The following CUX1 variants were observed in gnomAD, a reference collection of about 807,000 sequenced individuals.
CUX1 encodes the protein cut like homeobox 1, also known as protein CASP.
In CUX1, 31 loss-of-function variants were observed where a neutral mutation model predicts 158.8. The observed-to-expected ratio is 0.20, with a 90% CI of 0.15 to 0.26. The LOEUF is 0.26. Among genes scored for constraint, CUX1 ranks in the 10% least tolerant of loss-of-function variants. The pLI is 1.00. For missense variants in CUX1, 1,589 were observed against 2,014.6 expected (o/e 0.79, Z 4.04); for synonymous variants, 879 against 862.1 (o/e 1.02, Z -0.34).
intron 20 of CUX1, among the ~76,000 whole-genome samples, chr7:102,218,271 C>A (rs1554525602): frequency 1.3e-5 from 2 of 152,236 alleles, no homozygotes; most frequent in Non-Finnish European, 2.9e-5. Context: ...ACACCTGGCA[C>A]ATGGAGGGTT....
chr7:101,988,137 G>C (rs571912625), intron 2 of CUX1, among the ~76,000 whole-genome samples: 1 of 152,080 alleles, frequency 6.6e-6, no homozygotes, highest in Admixed American at 6.5e-5. Context: ...ACTTGAACCC[G>C]GGAGGCAGAG....
rs192303218 is a variant in CUX1, at chr7:102,095,048, G to A, written c.269-2316G>A. ...AGGATTTCGCTCTGTTGCCCCGGCT[G>A]GAGTGCAGTGGCTCAATCACAGCTC... On this transcript the variant is annotated intron_variant, in intron 4 of 23. Transcript: ENST00000292535. Among the ~76,000 whole-genome samples, 368 of 151,828 alleles carry A rather than the reference G, an allele frequency of 2.4e-3. 2 individuals are homozygous for A. The highest frequency in any genetic ancestry group is 6.3e-3 in the South Asian group (30 of 4,800).
chr7:102,041,487 C>G (rs1822088435), intron 3 of CUX1, among the ~76,000 whole-genome samples: 1 of 151,398 alleles, frequency 6.6e-6, no homozygotes, highest in African/African-American at 2.4e-5. Context: ...CTCCTGGCCT[C>G]AAGTGATCAA....
intron 3 of CUX1, among the ~76,000 whole-genome samples, chr7:102,030,086 G>A (rs192802903): frequency 1.1e-4 from 17 of 150,950 alleles, no homozygotes; most frequent in African/African-American, 3.9e-4. Flanking sequence ...ATCTCAGCTC[G>A]CTGCAACCTC....
rs1309720186 is a variant in CUX1 at position 101,869,197 on chromosome 7, C to T, written c.31-46918C>T. The stretch of plus-strand genomic sequence containing the variant: ...GCAGGTAGGGGGAGACCAGGATGAG[C>T]CCCATGTGCGCGTGACCTGTGGCAG... On this transcript the variant is annotated intron_variant, in intron 1 of 23. Coordinates refer to ENST00000292535, the MANE Select transcript of CUX1 (RefSeq NM_181552.4). The surrounding 1 kb of genome is among the most constrained non-coding windows in gnomAD (Gnocchi z 4.5). Among the ~76,000 whole-genome samples, 1 of 151,954 alleles carries T rather than the reference C, an allele frequency of 6.6e-6. No individual in the cohort carries two copies. The highest frequency in any genetic ancestry group is 2.4e-5 in the African/African-American group (1 of 41,354).
chr7:102,239,653 C>T, intron 23 of CUX1, 69 bp downstream of exon 23: 1 of 1,538,554 alleles, frequency 6.5e-7, no homozygotes, highest in Non-Finnish European at 8.8e-7. Flanking sequence ...CGGAGGCCGC[C>T]ATGGCGCACA....
At chr7:101,918,856 C>T (rs1412973568) in intron 2 of CUX1, among the ~76,000 whole-genome samples, 1 of 152,206 alleles carries the variant, frequency 6.6e-6, no homozygotes, top group East Asian at 1.9e-4. Context: ...AATCTCGGCT[C>T]ACTGCAACCT....
intron 2 of CUX1, among the ~76,000 whole-genome samples, chr7:101,994,607 C>T (rs529413548): frequency 1.6e-4 from 24 of 152,182 alleles, no homozygotes; most frequent in African/African-American, 5.8e-4. Context: ...TCTCAAACAA[C>T]AGCAACAAAA....
chr7:102,069,907 A>G (rs1031128676), intron 3 of CUX1, among the ~76,000 whole-genome samples: 1 of 152,188 alleles, frequency 6.6e-6, no homozygotes, highest in Non-Finnish European at 1.5e-5. Flanking sequence ...GCATGTCCCC[A>G]GGGATTTAAT....
intron 20 of CUX1, among the ~76,000 whole-genome samples, chr7:102,224,200 T>TTTTATTTATTTA (rs147120708): frequency 2.0e-5 from 3 of 151,566 alleles, no homozygotes; most frequent in African/African-American, 7.3e-5. Flanking sequence ...GTCTTCTACA[T>TTTTATTTATTTA]TTTATTTATT....
rs140214809 is a variant in CUX1 at position 102,157,847 on chromosome 7, G to A, written c.675-713G>A. ...TCATGATGCTCTGTGTTGGGTTCGC[G>A]TATTTGCCTTCAGATTACTCAAGGA... On this transcript the variant is annotated intron_variant, in intron 8 of 23. Coordinates refer to ENST00000292535, the MANE Select transcript of CUX1 (RefSeq NM_181552.4). Among the ~76,000 whole-genome samples the A allele has an allele frequency of 5.1e-3, 780 of 152,244 alleles. 4 individuals are homozygous for A. The highest frequency in any genetic ancestry group is 0.041 in the Middle Eastern group (12 of 294).
At chr7:102,278,235 G>C (rs1158106488) in intron 18 of CUX1, among the ~76,000 whole-genome samples, 1 of 152,136 alleles carries the variant, frequency 6.6e-6, no homozygotes, top group Non-Finnish European at 1.5e-5. Flanking sequence ...CCTGCTAGCT[G>C]CCCTCCCTAA....
intron 2 of CUX1, among the ~76,000 whole-genome samples, chr7:102,022,791 G>A (rs1819538082): frequency 6.6e-6 from 1 of 152,250 alleles, no homozygotes; most frequent in South Asian, 2.1e-4. Flanking sequence ...CACTTTCTGT[G>A]CATTAAGATG....
intron 1 of CUX1, among the ~76,000 whole-genome samples, chr7:101,825,698 G>A (rs1380604630): frequency 1.3e-5 from 2 of 151,752 alleles, no homozygotes; most frequent in African/African-American, 2.4e-5. Flanking sequence ...ACGTGGCTCT[G>A]TGTTGGTATA....
intron 16 of CUX1, 34 bp downstream of exon 16, chr7:102,198,901 G>T (rs1554519031): frequency 6.3e-7 from 1 of 1,585,060 alleles, no homozygotes. Flanking sequence ...TTTGCAGTCA[G>T]TCACCTAGGG....
intron 4 of CUX1, among the ~76,000 whole-genome samples, chr7:102,084,792 T>C (rs1341073054): frequency 6.6e-6 from 1 of 151,668 alleles, no homozygotes; most frequent in Non-Finnish European, 1.5e-5. Context: ...TGGTTGATAG[T>C]GTTGTTCATG....
At chr7:102,204,807 G>C (rs962968602) in intron 19 of CUX1, among the ~76,000 whole-genome samples, 7 of 152,264 alleles carry the variant, frequency 4.6e-5, no homozygotes, top group Non-Finnish European at 8.8e-5. Flanking sequence ...CAGAAAATGA[G>C]TTACCAATTT....
intron 4 of CUX1, among the ~76,000 whole-genome samples, chr7:102,073,014 G>A (rs1413987919): frequency 2.6e-5 from 4 of 152,062 alleles, no homozygotes; most frequent in Non-Finnish European, 4.4e-5. Flanking sequence ...CCACTTCTGG[G>A]AGCAGGATCC....
At chr7:101,945,885 A>G (rs1408098187) in intron 2 of CUX1, among the ~76,000 whole-genome samples, 1 of 152,194 alleles carries the variant, frequency 6.6e-6, no homozygotes, top group Non-Finnish European at 1.5e-5. Flanking sequence ...TAGCTGTGTC[A>G]GCCAAGGCCG....
Sources: allele counts gnomAD v4.1 joint callset (sites outside exome capture counted in the v4.1 genomes callset), GRCh38; gene constraint gnomAD v4.1.1; non-coding constraint Gnocchi (gnomAD v3.1); transcripts MANE v1.5; gene names NCBI Gene and HGNC (gene_info 2026-07-23, HGNC 2026-07-21).